The following FAM83F variants were observed in gnomAD, a reference collection of about 807,000 sequenced individuals.
The protein encoded by FAM83F is protein FAM83F.
Under a neutral mutation model 42.9 loss-of-function variants are expected in FAM83F, and 45 were observed. The observed-to-expected ratio is 1.05, with a 90% CI of 0.83 to 1.35. The LOEUF (loss-of-function observed/expected upper bound fraction) is 1.35, where lower values mean the gene tolerates loss of function less well. Ranked by LOEUF, FAM83F falls within the 40% of genes most tolerant of loss-of-function variation. FAM83F has a pLI of 0.00. For synonymous variants in FAM83F, 306 were observed against 298.3 expected (o/e 1.03, Z -0.27); for missense variants, 617 against 695.9 (o/e 0.89, Z 1.28).
At chr22:40,022,059 G>A in intron 4 of FAM83F, 96 bp downstream of exon 4, 1 of 1,101,398 alleles carries the variant, frequency 9.1e-7, no homozygotes, top group Non-Finnish European at 1.3e-6. Context: ...TACCTGCAGA[G>A]GAGTAGATTC....
chr22:40,008,296 A>T (rs770798115), intron 1 of FAM83F, among the ~76,000 whole-genome samples: 1 of 152,188 alleles, frequency 6.6e-6, no homozygotes, highest in African/African-American at 2.4e-5. Context: ...CGGGCCCCCC[A>T]TGGGCTGTCT....
intron 4 of FAM83F, among the ~76,000 whole-genome samples, chr22:40,025,146 G>A (rs1247816129): frequency 3.3e-5 from 5 of 152,184 alleles, no homozygotes; most frequent in South Asian, 2.1e-4. Flanking sequence ...GAGGCCAGGC[G>A]CGGTGGCTCA....
rs974119633 is a variant in FAM83F at position 40,013,905 on chromosome 22, C to A, written c.490-5263C>A. ...TGAATGGATCTTATTTTCTTTCTTTCATTCCTTCTTTTATTTTCCTTTTTT... is the reference window on the plus strand; with the variant it reads ...TGAATGGATCTTATTTTCTTTCTTTAATTCCTTCTTTTATTTTCCTTTTTT... On this transcript the variant is annotated intron_variant, in intron 1 of 4. Transcript: ENST00000333407. Among the ~76,000 whole-genome samples, 2 of 151,874 alleles carry A rather than the reference C, an allele frequency of 1.3e-5. 1 individual carries two copies. The highest frequency in any genetic ancestry group is 4.8e-5 in the African/African-American group (2 of 41,386).
At position 40,035,966 on chromosome 22, in the gene FAM83F, T is replaced by C. The variant is rs944775653; in HGVS notation, c.*6401T>C. 2.6e-5 allele frequency: 4 copies of C among 152,196 alleles called. No homozygotes were observed. The highest frequency in any genetic ancestry group is 6.5e-5 in the Admixed American group (1 of 15,276). The allele number at this position is 152,196 out of a possible 1,614,324, so 9.4% of individuals were successfully genotyped here. A position where few individuals can be genotyped will look rare whatever the true frequency, so the allele number is the denominator to read the frequency against. On this transcript the variant is annotated 3_prime_UTR_variant, in exon 5 of 5. Transcript: ENST00000333407. ...TCGTTGGCACACAGGGCTAACTGCT[T>C]GTTCACCTGAAGGAAGCTACAGAGT...
In FAM83F at chr22:40,021,834, C is replaced by A. The variant is rs61743421; in HGVS notation, c.1324C>A (p.Leu442Ile). 1.9e-6 allele frequency: 3 copies of A among 1,612,618 alleles called. No individual in the cohort carries two copies. The highest frequency in any genetic ancestry group is 2.5e-6 in the Non-Finnish European group (3 of 1,179,706). Residue 442 changes from leucine (L) to isoleucine (I), a missense_variant, in exon 4 of 5, where the codon CTC becomes ATC. Coordinates refer to ENST00000333407, the MANE Select transcript of FAM83F (RefSeq NM_138435.4). This position sits in a 1 kb window ranked among gnomAD's most constrained non-coding sequence, Gnocchi z 8.7. ...CCCCGCCAGGCGCTTCAGCAGCAGG[C>A]TCTTCAGTCGCCGAGCCAAGAGGCC... ...AAPARRFSSRLFSRRAKRPAA... is the reference protein window; with the variant it reads ...AAPARRFSSRIFSRRAKRPAA...
Position 40,042,627 on chromosome 22 carries a change from G to A in FAM83F, c.*13062G>A, listed in dbSNP as rs1048996209. 1 of 152,184 alleles carries A rather than the reference G, an allele frequency of 6.6e-6. No homozygotes were observed. The highest frequency in any genetic ancestry group is 2.4e-5 in the African/African-American group (1 of 41,436). The allele number at this position is 152,184 out of a possible 1,614,324, so 9.4% of individuals were successfully genotyped here. A position where few individuals can be genotyped will look rare whatever the true frequency, so the allele number is the denominator to read the frequency against. ...TGAGGTCCTTGAAGGAAGAGAGAGT[G>A]TATCACTCATCTGCATAGCCTTTGT... On this transcript the variant is annotated 3_prime_UTR_variant, in exon 5 of 5. Transcript: ENST00000333407.
Position 40,043,056 on chromosome 22 carries a change from ACTTACT to A in FAM83F, c.*13496_*13501del, listed in dbSNP as rs1452266556. The A allele has an allele frequency of 6.6e-6, 1 of 152,196 alleles. No individual in the cohort carries two copies. Among genetic ancestry groups the A allele is most frequent in the Non-Finnish European group, 1.5e-5 (1 of 68,040 alleles). The allele number at this position is 152,196 out of a possible 1,614,324, so 9.4% of individuals were successfully genotyped here. ...TGCAGTTGCCCTAGGAATACATGCC[ACTTACT>A]CTTAATTGACGTTTATGAAATACCT... On this transcript the variant is annotated 3_prime_UTR_variant, in exon 5 of 5. Coordinates refer to ENST00000333407, the MANE Select transcript of FAM83F (RefSeq NM_138435.4).
chr22:40,042,858 A>G lies in FAM83F; in HGVS notation c.*13293A>G, dbSNP rs532693021. ...TGCTAAAATAGGGGTCCAAGCAACC[A>G]ACTTTGAAGATTAGGAAGGTTTTAG... On this transcript the variant is annotated 3_prime_UTR_variant, in exon 5 of 5. Transcript: ENST00000333407. 1 of 152,332 alleles carries G rather than the reference A, an allele frequency of 6.6e-6. No homozygotes were observed. The highest frequency in any genetic ancestry group is 2.4e-5 in the African/African-American group (1 of 41,564). The allele number at this position is 152,332 out of a possible 1,614,324, so 9.4% of individuals were successfully genotyped here. A position where few individuals can be genotyped will look rare whatever the true frequency, so the allele number is the denominator to read the frequency against.
chr22:40,040,415 G>T lies in FAM83F; in HGVS notation c.*10850G>T, dbSNP rs1442770772. ...ATCCACGTAAAGCCCTCAGTACAGTGTATGACACACAGCAAGTGTCCACCA... is the reference window on the plus strand; with the variant it reads ...ATCCACGTAAAGCCCTCAGTACAGTTTATGACACACAGCAAGTGTCCACCA... On this transcript the variant is annotated 3_prime_UTR_variant, in exon 5 of 5. Coordinates refer to ENST00000333407, the MANE Select transcript of FAM83F (RefSeq NM_138435.4). 1.3e-5 allele frequency: 2 copies of T among 152,208 alleles called. No individual in the cohort carries two copies. The highest frequency in any genetic ancestry group is 4.8e-5 in the African/African-American group (2 of 41,440). 9.4% of individuals were successfully genotyped at this position (152,208 alleles called of 1,614,324 possible).
At position 40,042,917 on chromosome 22, in the gene FAM83F, G is replaced by C. The variant is rs971152179; in HGVS notation, c.*13352G>C. On this transcript the variant is annotated 3_prime_UTR_variant, in exon 5 of 5. Coordinates refer to ENST00000333407, the MANE Select transcript of FAM83F (RefSeq NM_138435.4). ...TGTTTCTCATTCATTGTGTTTTTGA[G>C]TTCAGAATCCCCATACTGGAAGGCT... 1 of 152,162 alleles carries C rather than the reference G, an allele frequency of 6.6e-6. No individual in the cohort carries two copies. Among genetic ancestry groups the C allele is most frequent in the African/African-American group, 2.4e-5 (1 of 41,426 alleles). The allele number at this position is 152,162 out of a possible 1,614,324, so 9.4% of individuals were successfully genotyped here. A position where few individuals can be genotyped will look rare whatever the true frequency, so the allele number is the denominator to read the frequency against.
At chr22:40,015,938 A>C (rs2067490190) in intron 1 of FAM83F, among the ~76,000 whole-genome samples, 2 of 152,176 alleles carry the variant, frequency 1.3e-5, no homozygotes, top group African/African-American at 4.8e-5. Context: ...GGAAGAATTC[A>C]TTCTCCCTTC....
intron 2 of FAM83F, 119 bp from the exon 3 acceptor site, chr22:40,019,768 G>C (rs2067509535): frequency 7.3e-7 from 1 of 1,376,540 alleles, no homozygotes; most frequent in African/African-American, 1.5e-5. Context: ...AGCGTCTAGT[G>C]AAGACAGGAG....
rs2067636573 is a variant in FAM83F, at chr22:40,038,327, G to T, written c.*8762G>T. 1 of 152,300 alleles carries T rather than the reference G, an allele frequency of 6.6e-6. No homozygotes were observed. Among genetic ancestry groups the T allele is most frequent in the South Asian group, 2.1e-4 (1 of 4,834 alleles). 9.4% of individuals were successfully genotyped at this position (152,300 alleles called of 1,614,324 possible). A position where few individuals can be genotyped will look rare whatever the true frequency, so the allele number is the denominator to read the frequency against. On this transcript the variant is annotated 3_prime_UTR_variant, in exon 5 of 5. Transcript: ENST00000333407. ...GGGGACAATGAGGCAAGGCATTCCA[G>T]GGAAAGGTCCAGAGCCTAGACAGAA... is the stretch of plus-strand genomic sequence containing the variant.
intron 1 of FAM83F, chr22:40,010,092 C>T (rs2067454836): frequency 6.6e-6 from 1 of 152,208 alleles, no homozygotes; most frequent in Non-Finnish European, 1.5e-5. Context: ...ATCAACCTCT[C>T]TCCCCAGGCA....
At position 40,023,912 on chromosome 22, in the gene FAM83F, C is replaced by T. The variant is rs1437280227; in HGVS notation, c.1453+1949C>T. 2.0e-5 allele frequency among the ~76,000 whole-genome samples: 3 copies of T among 152,194 alleles called. No individual in the cohort carries two copies. The highest frequency in any genetic ancestry group is 7.2e-5 in the African/African-American group (3 of 41,452). On this transcript the variant is annotated intron_variant, in intron 4 of 4. Transcript: ENST00000333407. The surrounding 1 kb of genome is among the most constrained non-coding windows in gnomAD (Gnocchi z 4.1). ...AGCCTCCTCCGGTAAGGCTTCTGCCCACCTGGGTGGGCGCCCAGTACCTGC... is the reference window on the plus strand; with the variant it reads ...AGCCTCCTCCGGTAAGGCTTCTGCCTACCTGGGTGGGCGCCCAGTACCTGC...
intron 1 of FAM83F, among the ~76,000 whole-genome samples, chr22:40,005,018 A>G (rs1356012812): frequency 3.3e-5 from 5 of 152,316 alleles, no homozygotes; most frequent in African/African-American, 9.6e-5. Context: ...CATCACTTGA[A>G]TGCCCTCCTG....
chr22:40,015,302 T>C (rs1307613076), intron 1 of FAM83F, among the ~76,000 whole-genome samples: 2 of 152,202 alleles, frequency 1.3e-5, no homozygotes, highest in East Asian at 1.9e-4. Context: ...CTTCAGTGGA[T>C]TGGACGAGAC....
rs2067650204 is a variant in FAM83F at position 40,041,511 on chromosome 22, A to G, written c.*11946A>G. On this transcript the variant is annotated 3_prime_UTR_variant, in exon 5 of 5. Coordinates refer to ENST00000333407, the MANE Select transcript of FAM83F (RefSeq NM_138435.4). ...ATTCACACCAGGCTGAGTAAGCCCC[A>G]AAAGTCCTGCCATTGGCTCTGACAG... 6.6e-6 allele frequency: 1 copy of G among 152,206 alleles called. No homozygotes were observed. The highest frequency in any genetic ancestry group is 2.1e-4 in the South Asian group (1 of 4,832). The allele number at this position is 152,206 out of a possible 1,614,324, so 9.4% of individuals were successfully genotyped here.
rs988450607 is a variant in FAM83F at position 40,042,423 on chromosome 22, T to C, written c.*12858T>C. 4 of 152,212 alleles carry C rather than the reference T, an allele frequency of 2.6e-5. No individual in the cohort carries two copies. Among genetic ancestry groups the C allele is most frequent in the Non-Finnish European group, 4.4e-5 (3 of 68,062 alleles). 9.4% of individuals were successfully genotyped at this position (152,212 alleles called of 1,614,324 possible). A position where few individuals can be genotyped will look rare whatever the true frequency, so the allele number is the denominator to read the frequency against. ...CGTAGGTCACCACACATCACCAGTCTCTTGCCTAGCTAACCGTAACTCATT... is the reference window on the plus strand; with the variant it reads ...CGTAGGTCACCACACATCACCAGTCCCTTGCCTAGCTAACCGTAACTCATT... On this transcript the variant is annotated 3_prime_UTR_variant, in exon 5 of 5. Coordinates refer to ENST00000333407, the MANE Select transcript of FAM83F (RefSeq NM_138435.4).
Sources: gnomAD v4.1 joint callset for allele counts (sites outside exome capture counted in the v4.1 genomes callset) on GRCh38, gnomAD v4.1.1 for gene constraint, Gnocchi (gnomAD v3.1) non-coding constraint, MANE v1.5 for transcripts, NCBI Gene and HGNC (gene_info 2026-07-23, HGNC 2026-07-21) for gene names.